The following VAV1 variants were observed in gnomAD, a reference collection of about 807,000 sequenced individuals.
VAV1 encodes proto-oncogene vav.
In VAV1, 33 loss-of-function variants were observed where a neutral mutation model predicts 128.1. That is an observed-to-expected ratio of 0.26 (90% confidence interval 0.20 to 0.34). The LOEUF (loss-of-function observed/expected upper bound fraction) is 0.34, where lower values mean the gene tolerates loss of function less well. Ranked by LOEUF, VAV1 falls within the 10% of genes least tolerant of loss-of-function variation. The pLI, the probability that VAV1 is intolerant of heterozygous loss-of-function variation, is 1.00. For synonymous variants in VAV1, 394 were observed against 409.8 expected (o/e 0.96, Z 0.47); for missense variants, 715 against 1,093.7 (o/e 0.65, Z 4.88).
chr19:6,848,924 G>T (rs1056040386), intron 23 of VAV1, among the ~76,000 whole-genome samples: 16 of 151,674 alleles, frequency 1.1e-4, no homozygotes, highest in Admixed American at 3.3e-4. Context: ...CTCCCCAGTG[G>T]CTGGGACTAT....
chr19:6,834,896 C>T (rs894279018), intron 19 of VAV1, among the ~76,000 whole-genome samples: 1 of 150,842 alleles, frequency 6.6e-6, no homozygotes, highest in African/African-American at 2.4e-5. Context: ...TTGAGACAAG[C>T]GTGGGCAACA....
At position 6,824,236 on chromosome 19, in the gene VAV1, G is replaced by A. The variant is rs535978199; in HGVS notation, c.655-817G>A. 2.0e-4 allele frequency among the ~76,000 whole-genome samples: 30 copies of A among 151,986 alleles called. 1 individual carries two copies. In the East Asian group the frequency reaches 4.1e-3, roughly 21 times the overall value. On this transcript the variant is annotated intron_variant, in intron 6 of 26. Coordinates refer to ENST00000602142, the MANE Select transcript of VAV1 (RefSeq NM_005428.4). ...GATTTTGGGTGTGAGCCACCACCCCGGCCTTAATTTTAGAACGTTTTCATC... is the reference window on the plus strand; with the variant it reads ...GATTTTGGGTGTGAGCCACCACCCCAGCCTTAATTTTAGAACGTTTTCATC...
intron 14 of VAV1, among the ~76,000 whole-genome samples, chr19:6,831,762 T>C (rs1451271242): frequency 6.6e-6 from 1 of 152,166 alleles, no homozygotes; most frequent in East Asian, 1.9e-4. Flanking sequence ...GCAGTGTCTG[T>C]TTCTCAGCAG....
intron 26 of VAV1, 53 bp from the exon 27 acceptor site, chr19:6,857,001 G>A: frequency 6.4e-7 from 1 of 1,550,622 alleles, no homozygotes; most frequent in Non-Finnish European, 8.9e-7. Context: ...GTGTGGAGGG[G>A]CAGTAGGAGG....
chr19:6,800,792 T>TTTTTTTTGTGTG lies in VAV1; in HGVS notation c.205-19909_205-19908insTTTTTTGTGTGT, dbSNP rs1555699757. Among the ~76,000 whole-genome samples, 1,256 of 147,700 alleles carry TTTTTTTTGTGTG rather than the reference T, an allele frequency of 8.5e-3. 16 individuals carry two copies. The highest frequency in any genetic ancestry group is 0.029 in the African/African-American group (1,177 of 40,438). ...GCCTGTCACCACGCCTGGCAAATTT[T>TTTTTTTTGTGTG]TGTGTGTGTGTGTGTGTGCAGTCGG... On this transcript the variant is annotated intron_variant, in intron 1 of 26. Transcript: ENST00000602142.
intron 1 of VAV1, among the ~76,000 whole-genome samples, chr19:6,807,775 G>A (rs1260873448): frequency 1.5e-4 from 23 of 151,472 alleles, no homozygotes; most frequent in Admixed American, 1.1e-3. Context: ...GGCAGATCAT[G>A]AGGTCAGGAG....
intron 21 of VAV1, among the ~76,000 whole-genome samples, chr19:6,840,998 G>T (rs1416314742): frequency 3.3e-5 from 5 of 151,870 alleles, no homozygotes; most frequent in Non-Finnish European, 7.4e-5. Context: ...GGCTGGTCTC[G>T]AACTCCTGAC....
chr19:6,822,378 G>C lies in VAV1; in HGVS notation c.559-41G>C. Reference sequence around the variant, plus strand: ...CTGGGGAGGGCGTGGGCGGGGGGCAGCCCCAGGCCCCCCAACACCGGCCTC... The same window carrying C: ...CTGGGGAGGGCGTGGGCGGGGGGCACCCCCAGGCCCCCCAACACCGGCCTC... On this transcript the variant is annotated intron_variant, in intron 5 of 26. Transcript: ENST00000602142. This position sits in a 1 kb window ranked among gnomAD's most constrained non-coding sequence, Gnocchi z 5.9. The C allele has an allele frequency of 6.4e-7, 1 of 1,552,576 alleles. No individual in the cohort carries two copies. Among genetic ancestry groups the C allele is most frequent in the Non-Finnish European group, 8.7e-7 (1 of 1,148,832 alleles).
At chr19:6,775,606 A>C (rs1001184395) in intron 1 of VAV1, among the ~76,000 whole-genome samples, 1 of 152,206 alleles carries the variant, frequency 6.6e-6, no homozygotes, top group Admixed American at 6.5e-5. Flanking sequence ...CGGTGTACCC[A>C]GACCCTTTCC....
At chr19:6,790,982 G>A (rs1186477104) in intron 1 of VAV1, among the ~76,000 whole-genome samples, 1 of 152,190 alleles carries the variant, frequency 6.6e-6, no homozygotes, top group Non-Finnish European at 1.5e-5. Context: ...TCCAGTGTCT[G>A]AGCCCCACCT....
At chr19:6,818,075 C>T (rs1195404843) in intron 1 of VAV1, among the ~76,000 whole-genome samples, 1 of 152,162 alleles carries the variant, frequency 6.6e-6, no homozygotes, top group African/African-American at 2.4e-5. Context: ...TCACTTCCAC[C>T]TCCCAACGTG....
At chr19:6,813,246 G>A (rs752815368) in intron 1 of VAV1, among the ~76,000 whole-genome samples, 17 of 152,176 alleles carry the variant, frequency 1.1e-4, no homozygotes, top group Non-Finnish European at 2.2e-4. Context: ...GAGTGGCTGG[G>A]CCACATAGAG....
chr19:6,847,256 G>A (rs531563416), intron 22 of VAV1, among the ~76,000 whole-genome samples: 4 of 152,204 alleles, frequency 2.6e-5, no homozygotes, highest in Admixed American at 6.5e-5. Context: ...CATCACTGCC[G>A]TTTAGCTCCA....
intron 1 of VAV1, among the ~76,000 whole-genome samples, chr19:6,791,909 GCTT>G (rs1971026688): frequency 6.6e-6 from 1 of 152,096 alleles, no homozygotes; most frequent in Admixed American, 6.6e-5. Context: ...GAATGAAGGA[GCTT>G]CTGGAAGGAA....
At chr19:6,792,652 T>C (rs1971042418) in intron 1 of VAV1, among the ~76,000 whole-genome samples, 1 of 151,742 alleles carries the variant, frequency 6.6e-6, no homozygotes, top group Admixed American at 6.6e-5. Flanking sequence ...GCTCAGGTGA[T>C]CCTCCCATCC....
At chr19:6,829,735 A>T (rs776706704) in intron 13 of VAV1, 51 bp from the exon 14 acceptor site, 1 of 1,607,752 alleles carries the variant, frequency 6.2e-7, no homozygotes, top group East Asian at 2.2e-5. Context: ...CAGAGGGCTG[A>T]TGGGGACAGT....
At chr19:6,793,675 G>C (rs1193972005) in intron 1 of VAV1, among the ~76,000 whole-genome samples, 1 of 152,178 alleles carries the variant, frequency 6.6e-6, no homozygotes, top group Admixed American at 6.6e-5. Flanking sequence ...GCTTTGATAT[G>C]TTCTTACACT....
At chr19:6,838,168 T>C (rs182399306) in intron 21 of VAV1, among the ~76,000 whole-genome samples, 31 of 150,872 alleles carry the variant, frequency 2.1e-4, no homozygotes, top group African/African-American at 6.6e-4. Context: ...ATATCATCTA[T>C]CTATTTACCT....
chr19:6,820,658 G>A lies in VAV1; in HGVS notation c.205-44G>A, dbSNP rs576525081. On this transcript the variant is annotated intron_variant, in intron 1 of 26. Transcript: ENST00000602142. This position sits in a 1 kb window ranked among gnomAD's most constrained non-coding sequence, Gnocchi z 4.4. ...TGGCCTGGGGGTCAGTTTCTCCCCT[G>A]CCCTTTCGTACTGCCCCACCCTCAT... 1.2e-5 allele frequency: 19 copies of A among 1,568,024 alleles called. No homozygotes were observed. Among genetic ancestry groups the A allele is most frequent in the Admixed American group, 1.7e-5 (1 of 59,876 alleles).
Sources: gnomAD v4.1 joint callset for allele counts (sites outside exome capture counted in the v4.1 genomes callset) on GRCh38, gnomAD v4.1.1 for gene constraint, Gnocchi (gnomAD v3.1) non-coding constraint, MANE v1.5 for transcripts, NCBI Gene and HGNC (gene_info 2026-07-23, HGNC 2026-07-21) for gene names.